Variants in NCOA1 observed in about 807,000 individuals in gnomAD.
The protein encoded by NCOA1 is Hin-2 protein.
NCOA1 carries 35 observed loss-of-function variants against 150.9 expected under a neutral mutation model. That is an observed-to-expected ratio of 0.23 (90% confidence interval 0.18 to 0.31). The LOEUF (loss-of-function observed/expected upper bound fraction) is 0.31, where lower values mean the gene tolerates loss of function less well. Among genes scored for constraint, NCOA1 ranks in the 10% least tolerant of loss-of-function variants. NCOA1 has a pLI of 1.00. For missense variants in NCOA1, 1,491 were observed against 1,749.3 expected (o/e 0.85, Z 2.63); for synonymous variants, 590 against 630.0 (o/e 0.94, Z 0.95).
At chr2:24,569,552 ATTTTTTTTTTTTT>A (rs200639064) in intron 2 of NCOA1, among the ~76,000 whole-genome samples, 1 of 93,794 alleles carries the variant, frequency 1.1e-5, no homozygotes. Context: ...GGTTTTATTA[ATTTTTTTTTTTTT>A]TTTTTTTTTT....
In NCOA1 at chr2:24,655,876, CAGG is replaced by C. The variant is rs1179245026; in HGVS notation, c.-17-2782_-17-2780del. ...GGCCGAGGTGGGCAGATCACTAGGTCAGGAGATCGAGACCATCCTGGCTAACAT... is the reference window on the plus strand; with the variant it reads ...GGCCGAGGTGGGCAGATCACTAGGTCAGATCGAGACCATCCTGGCTAACAT... On this transcript the variant is annotated intron_variant, in intron 4 of 22. Transcript: ENST00000348332. Among the ~76,000 whole-genome samples the C allele has an allele frequency of 5.3e-5, 8 of 151,986 alleles. 1 individual carries two copies. The highest frequency in any genetic ancestry group is 5.2e-4 in the Admixed American group (8 of 15,272).
intron 3 of NCOA1, among the ~76,000 whole-genome samples, chr2:24,586,224 C>T (rs1029847699): frequency 3.7e-4 from 53 of 141,856 alleles, no homozygotes; most frequent in African/African-American, 1.3e-3. Context: ...TGCAAAGAGC[C>T]GATATCGTGC....
intron 16 of NCOA1, among the ~76,000 whole-genome samples, chr2:24,729,131 T>A (rs1662861638): frequency 6.6e-6 from 1 of 152,268 alleles, no homozygotes; most frequent in Non-Finnish European, 1.5e-5. Flanking sequence ...GAATTTTATA[T>A]CTGAGATAGA....
At chr2:24,500,093 TTTC>T (rs1291568223) in intron 1 of NCOA1, among the ~76,000 whole-genome samples, 3 of 150,656 alleles carry the variant, frequency 2.0e-5, no homozygotes, top group Non-Finnish European at 4.5e-5. Flanking sequence ...AGCCCGGTAG[TTTC>T]TTTTTTTCTT....
At chr2:24,608,704 G>GTTTTTTTT (rs56710627) in intron 3 of NCOA1, among the ~76,000 whole-genome samples, 101 of 117,284 alleles carry the variant, frequency 8.6e-4, no homozygotes, top group Non-Finnish European at 1.0e-3. Context: ...TTGTTGTTGT[G>GTTTTTTTT]TTTTTTTTTT....
At chr2:24,545,032 C>T (rs1665552833) in intron 1 of NCOA1, among the ~76,000 whole-genome samples, 1 of 152,052 alleles carries the variant, frequency 6.6e-6, no homozygotes, top group Non-Finnish European at 1.5e-5. Flanking sequence ...GAAATAAATA[C>T]AGATATGTAT....
chr2:24,752,680 C>G (rs886791435), intron 20 of NCOA1, among the ~76,000 whole-genome samples: 1 of 152,074 alleles, frequency 6.6e-6, no homozygotes, highest in Non-Finnish European at 1.5e-5. Context: ...ACTTTAAAAT[C>G]TTATAAATCT....
At chr2:24,739,918 A>G (rs1472992103) in intron 18 of NCOA1, among the ~76,000 whole-genome samples, 2 of 151,988 alleles carry the variant, frequency 1.3e-5, no homozygotes, top group Admixed American at 1.3e-4. Flanking sequence ...CTTGTGTACT[A>G]TGTTCAATTT....
At chr2:24,611,127 C>T (rs894979214) in intron 3 of NCOA1, among the ~76,000 whole-genome samples, 1 of 152,062 alleles carries the variant, frequency 6.6e-6, no homozygotes, top group Non-Finnish European at 1.5e-5. Flanking sequence ...CTCTGTTAGT[C>T]CCAGTGTCTA....
intron 8 of NCOA1, among the ~76,000 whole-genome samples, chr2:24,687,219 G>C (rs1318767949): frequency 1.3e-5 from 2 of 151,950 alleles, no homozygotes; most frequent in African/African-American, 4.8e-5. Flanking sequence ...AGTGTGATTA[G>C]ATATTTAGCT....
intron 4 of NCOA1, among the ~76,000 whole-genome samples, chr2:24,646,673 T>G (rs994657327): frequency 4.0e-5 from 6 of 151,614 alleles, no homozygotes; most frequent in African/African-American, 1.5e-4. Flanking sequence ...TGATAGGGGA[T>G]GGAGATTCAT....
chr2:24,707,578 C>T lies in NCOA1; in HGVS notation c.2108C>T (p.Thr703Ile). 6.2e-7 allele frequency: 1 copy of T among 1,614,162 alleles called. No individual in the cohort carries two copies. The highest frequency in any genetic ancestry group is 2.2e-5 in the East Asian group (1 of 44,882). The change falls in exon 13 of 23, where the codon ACC becomes ATC. Residue 703 changes from threonine (T) to isoleucine (I), a missense_variant. By Grantham distance (89) the Thr-to-Ile change is moderately conservative. Transcript: ENST00000348332. ...LLQEGSPSDI[T>I]TLSVEPDKKD... ...CAGGAGGGTAGCCCCTCAGATATCA[C>T]CACTTTGTCTGTCGAGCCTGATAAA...
intron 14 of NCOA1, among the ~76,000 whole-genome samples, chr2:24,726,365 T>C (rs372696109): frequency 8.5e-5 from 13 of 152,160 alleles, no homozygotes; most frequent in Admixed American, 7.9e-4. Context: ...GTACAAACTT[T>C]AATATCAGAT....
intron 19 of NCOA1, 142 bp from the exon 20 acceptor site, chr2:24,751,840 T>C: frequency 4.9e-6 from 4 of 816,600 alleles, no homozygotes; most frequent in Non-Finnish European, 7.4e-6. Context: ...GCGATATTTG[T>C]AAATATATTG....
chr2:24,619,476 T>A (rs1669022397), intron 3 of NCOA1, among the ~76,000 whole-genome samples: 1 of 152,180 alleles, frequency 6.6e-6, no homozygotes, highest in African/African-American at 2.4e-5. Flanking sequence ...ACGAACTACT[T>A]CTTTTGAAAG....
At chr2:24,523,078 T>C (rs184530938) in intron 1 of NCOA1, among the ~76,000 whole-genome samples, 8 of 152,300 alleles carry the variant, frequency 5.3e-5, no homozygotes, top group Admixed American at 5.2e-4. Flanking sequence ...ATATGTATGG[T>C]CAAGTCAATT....
chr2:24,762,909 TGTGTC>T (rs1401751277), intron 22 of NCOA1, 133 bp downstream of exon 22: 2 of 743,010 alleles, frequency 2.7e-6, no homozygotes, highest in East Asian at 5.2e-5. Flanking sequence ...TCTTCTTAGC[TGTGTC>T]GTCCTGGGCA....
chr2:24,742,177 C>A lies in NCOA1; in HGVS notation c.3697C>A (p.Pro1233Thr). 6.2e-7 allele frequency: 1 copy of A among 1,610,388 alleles called. No homozygotes were observed. The highest frequency in any genetic ancestry group is 8.5e-7 in the Non-Finnish European group (1 of 1,177,918). ...PQMQQNVFQY[P>T]GAGMVPQGEA... ...GATGCAGCAGAATGTCTTCCAGTATCCAGGAGCAGGTAGGAAGGTCACAAC... is the reference window on the plus strand; with the variant it reads ...GATGCAGCAGAATGTCTTCCAGTATACAGGAGCAGGTAGGAAGGTCACAAC... Residue 1233 changes from proline to threonine, a missense_variant, in exon 19 of 23, where the codon CCA becomes ACA. By Grantham distance (38) the Pro-to-Thr change is conservative (BLOSUM62 -1). Coordinates refer to ENST00000348332, the MANE Select transcript of NCOA1 (RefSeq NM_003743.5).
chr2:24,548,619 A>T (rs898617756), intron 1 of NCOA1, among the ~76,000 whole-genome samples: 1 of 152,232 alleles, frequency 6.6e-6, no homozygotes, highest in African/African-American at 2.4e-5. Flanking sequence ...ATCAAAAGCA[A>T]GTTAGATACT....
Sources: gnomAD v4.1 joint callset for allele counts (sites outside exome capture counted in the v4.1 genomes callset) on GRCh38, gnomAD v4.1.1 for gene constraint, MANE v1.5 for transcripts, NCBI Gene and HGNC (gene_info 2026-07-23, HGNC 2026-07-21) for gene names.